The following SLC26A2 variants were observed in gnomAD, a reference collection of about 807,000 sequenced individuals.
SLC26A2 encodes the protein solute carrier family 26 member 2, also known as sulfate transporter.
In SLC26A2, 36 loss-of-function variants were observed where a neutral mutation model predicts 41.1. The ratio of observed to expected loss-of-function variants is 0.88; its 90% confidence interval spans 0.67 to 1.16. The LOEUF (loss-of-function observed/expected upper bound fraction) is 1.16, where lower values mean the gene tolerates loss of function less well. SLC26A2 is among the 50% of genes most tolerant of loss of function. SLC26A2 has a pLI of 0.00. For synonymous variants in SLC26A2, 291 were observed against 311.6 expected (o/e 0.93, Z 0.70); for missense variants, 796 against 869.6 (o/e 0.92, Z 1.07).
chr5:149,979,392 T>C (rs963710130), intron 2 of SLC26A2, among the ~76,000 whole-genome samples: 1 of 152,172 alleles, frequency 6.6e-6, no homozygotes, highest in Non-Finnish European at 1.5e-5. Flanking sequence ...TATATAATGG[T>C]AAATAATAAG....
chr5:149,964,548 C>T (rs891042349), intron 1 of SLC26A2, among the ~76,000 whole-genome samples: 5 of 151,912 alleles, frequency 3.3e-5, no homozygotes, highest in Admixed American at 1.3e-4. Context: ...GAGGCCGAGG[C>T]GGGCGGATCA....
At position 149,978,210 on chromosome 5, in the gene SLC26A2, C is replaced by T. The variant is rs1393733579; in HGVS notation, c.558C>T (p.Asp186=). Residue 186 remains aspartate (D), a synonymous_variant, in exon 2 of 3, where the codon GAC becomes GAT. Coordinates refer to ENST00000286298, the MANE Select transcript of SLC26A2 (RefSeq NM_000112.4). ...VDRELQKAGY[D]NAHSAPSLGM... is the part of the protein sequence containing the mutation. Reference sequence around the variant, plus strand: ...GAGAACTACAGAAAGCTGGCTATGACAATGCCCATAGTGCTCCTTCCTTAG... The same window carrying T: ...GAGAACTACAGAAAGCTGGCTATGATAATGCCCATAGTGCTCCTTCCTTAG... The T allele has an allele frequency of 1.9e-6, 3 of 1,613,970 alleles. No individual in the cohort carries two copies. The highest frequency in any genetic ancestry group is 1.3e-5 in the African/African-American group (1 of 74,904).
At chr5:149,963,250 C>T (rs1001582749) in intron 1 of SLC26A2, among the ~76,000 whole-genome samples, 3 of 151,808 alleles carry the variant, frequency 2.0e-5, no homozygotes, top group Admixed American at 2.0e-4. Flanking sequence ...GCTGGGATTA[C>T]AGGCACATGC....
At chr5:149,975,933 G>A (rs1754984985) in intron 1 of SLC26A2, among the ~76,000 whole-genome samples, 1 of 152,066 alleles carries the variant, frequency 6.6e-6, no homozygotes. Flanking sequence ...TGAGGCGGAT[G>A]GATCACCTGA....
chr5:149,968,088 A>G (rs1754837280), intron 1 of SLC26A2, among the ~76,000 whole-genome samples: 1 of 151,472 alleles, frequency 6.6e-6, no homozygotes, highest in African/African-American at 2.4e-5. Flanking sequence ...GTAGATGAAG[A>G]GTATCAGAAC....
chr5:149,981,543 G>A lies in SLC26A2; in HGVS notation c.1950G>A (p.Val650=). The change falls in exon 3 of 3, where the codon GTG becomes GTA. Residue 650 remains valine (V), a synonymous_variant. Coordinates refer to ENST00000286298, the MANE Select transcript of SLC26A2 (RefSeq NM_000112.4). ...ATCCCTTGGAGCTGCATACTATAGTGATTGACTGCAGTGCAATTCAATTTT... is the reference window on the plus strand; with the variant it reads ...ATCCCTTGGAGCTGCATACTATAGTAATTGACTGCAGTGCAATTCAATTTT... ...SHDPLELHTI[V]IDCSAIQFLD... 1 of 1,614,082 alleles carries A rather than the reference G, an allele frequency of 6.2e-7. No homozygotes were observed. The highest frequency in any genetic ancestry group is 2.2e-5 in the East Asian group (1 of 44,870).
At chr5:149,980,204 T>TA (rs1181771842) in intron 2 of SLC26A2, 89 bp from the exon 3 acceptor site, 5 of 969,042 alleles carry the variant, frequency 5.2e-6, no homozygotes, top group Non-Finnish European at 8.4e-6. Flanking sequence ...GCTCTGATGA[T>TA]ATGTCTCCAT....
At position 149,981,407 on chromosome 5, in the gene SLC26A2, A is replaced by G. The variant is rs1330735657; in HGVS notation, c.1814A>G (p.Asn605Ser). 1 of 1,614,104 alleles carries G rather than the reference A, an allele frequency of 6.2e-7. No individual in the cohort carries two copies. The highest frequency in any genetic ancestry group is 1.1e-5 in the South Asian group (1 of 91,072). Residue 605 changes from asparagine (N) to serine (S), a missense_variant, in exon 3 of 3, where the codon AAC (asparagine) becomes AGC (serine). Coordinates refer to ENST00000286298, the MANE Select transcript of SLC26A2 (RefSeq NM_000112.4). ...TCTGCTTTATACAAACAAACTGTCAACCCAATCTTAATAAAGGTGGCTTGG... is the reference window on the plus strand; with the variant it reads ...TCTGCTTTATACAAACAAACTGTCAGCCCAATCTTAATAAAGGTGGCTTGG... ...FKSALYKQTVNPILIKVAWKK... is the reference protein window; with the variant it reads ...FKSALYKQTVSPILIKVAWKK...
rs777906405 is a variant in SLC26A2 at position 149,980,297 on chromosome 5, C to T, written c.704C>T (p.Ala235Val). 2.8e-5 allele frequency: 45 copies of T among 1,613,146 alleles called. No individual in the cohort carries two copies. The highest frequency in any genetic ancestry group is 2.1e-4 in the African/African-American group (16 of 74,904). The change falls in exon 3 of 3, where the codon GCG becomes GTG. Residue 235 changes from alanine to valine, a missense_variant. Ala to Val is a moderately conservative substitution (Grantham distance 64). Coordinates refer to ENST00000286298, the MANE Select transcript of SLC26A2 (RefSeq NM_000112.4). ...CTTCTATATCCTTCCTTCCAGGTAG[C>T]GATGGGCTTCTTTCAAGTGGGTTTT... ...VTFIAGVYQV[A>V]MGFFQVGFVS...
In SLC26A2 at chr5:149,981,047, T is replaced by C. The variant is rs1233907029; in HGVS notation, c.1454T>C (p.Val485Ala). Residue 485 changes from valine to alanine, a missense_variant, in exon 3 of 3, where the codon GTG becomes GCG. Val to Ala is a moderately conservative substitution (Grantham distance 64). Transcript: ENST00000286298. ...TCCCTTCAAAAAAGTGTCCTTGGTG[T>C]GATCACAATTGTAAATCTACGGGGA... Reference protein sequence around the residue: ...FYSLQKSVLGVITIVNLRGAL... With the variant: ...FYSLQKSVLGAITIVNLRGAL... 6 of 1,614,062 alleles carry C rather than the reference T, an allele frequency of 3.7e-6. No homozygotes were observed. In the African/African-American group the frequency reaches 4.0e-5, roughly 11 times the overall value.
rs553344216 is a variant in SLC26A2, at chr5:149,984,510, A to C, written c.*2697A>C. ...CCCCGTCTCTACTAAAAATACAAAAAATTAGCGGGGCATGGTGGCACGCGC... is the reference window on the plus strand; with the variant it reads ...CCCCGTCTCTACTAAAAATACAAAACATTAGCGGGGCATGGTGGCACGCGC... On this transcript the variant is annotated 3_prime_UTR_variant, in exon 3 of 3. Transcript: ENST00000286298. 2 of 152,302 alleles carry C rather than the reference A, an allele frequency of 1.3e-5. No individual in the cohort carries two copies. Among genetic ancestry groups the C allele is most frequent in the African/African-American group, 4.8e-5 (2 of 41,546 alleles). The allele number at this position is 152,302 out of a possible 1,614,324, so 9.4% of individuals were successfully genotyped here. A position where few individuals can be genotyped will look rare whatever the true frequency, so the allele number is the denominator to read the frequency against.
In SLC26A2 at chr5:149,985,259, G is replaced by A. The variant is rs1755180024; in HGVS notation, c.*3446G>A. ...ACGGTGTCTTCCTTCTAAACTGAGT[G>A]ACTGTAGTACTATCTGTGCCTCTGA... On this transcript the variant is annotated 3_prime_UTR_variant, in exon 3 of 3. Transcript: ENST00000286298. The A allele has an allele frequency of 6.6e-6, 1 of 152,158 alleles. No homozygotes were observed. The highest frequency in any genetic ancestry group is 1.5e-5 in the Non-Finnish European group (1 of 68,034). 9.4% of individuals were successfully genotyped at this position (152,158 alleles called of 1,614,324 possible). A position where few individuals can be genotyped will look rare whatever the true frequency, so the allele number is the denominator to read the frequency against.
At chr5:149,961,587 A>G (rs930886252) in intron 1 of SLC26A2, among the ~76,000 whole-genome samples, 3 of 152,138 alleles carry the variant, frequency 2.0e-5, no homozygotes, top group Admixed American at 6.6e-5. Flanking sequence ...CAGCTCTCCA[A>G]ACTCATAGAC....
Position 149,960,997 on chromosome 5 carries a change from G to A in SLC26A2, c.-26+18G>A, listed in dbSNP as rs551157134. The stretch of plus-strand genomic sequence containing the variant: ...CCCGAGAGGTGAGAAGAGGGAAGCG[G>A]ACCAGGGAAGAGGGAGGGAGCGGTG... On this transcript the variant is annotated intron_variant, in intron 1 of 2. Transcript: ENST00000286298. 3 of 152,470 alleles carry A rather than the reference G, an allele frequency of 2.0e-5. No homozygotes were observed. The highest frequency in any genetic ancestry group is 2.9e-5 in the Non-Finnish European group (2 of 68,216). The allele number at this position is 152,470 out of a possible 1,614,324, so 9.4% of individuals were successfully genotyped here.
rs1472125529 is a variant in SLC26A2 at position 149,986,853 on chromosome 5, T to C, written c.*5040T>C. ...ATGCGTCATCCCTAAAATAATAAGA[T>C]ACATGGGATCAAATAGCCCTTGCCT... On this transcript the variant is annotated 3_prime_UTR_variant, in exon 3 of 3. Coordinates refer to ENST00000286298, the MANE Select transcript of SLC26A2 (RefSeq NM_000112.4). The C allele has an allele frequency of 1.3e-5, 2 of 152,382 alleles. No individual in the cohort carries two copies. The highest frequency in any genetic ancestry group is 3.9e-4 in the East Asian group (2 of 5,192). 9.4% of individuals were successfully genotyped at this position (152,382 alleles called of 1,614,324 possible). A position where few individuals can be genotyped will look rare whatever the true frequency, so the allele number is the denominator to read the frequency against.
chr5:149,977,164 C>T (rs1755005913), intron 1 of SLC26A2, among the ~76,000 whole-genome samples: 1 of 152,150 alleles, frequency 6.6e-6, no homozygotes, highest in South Asian at 2.1e-4. Flanking sequence ...AAAACAGGAC[C>T]ATCTTCCTTG....
chr5:149,967,915 C>T (rs1581226613), intron 1 of SLC26A2, among the ~76,000 whole-genome samples: 1 of 151,772 alleles, frequency 6.6e-6, no homozygotes, highest in African/African-American at 2.4e-5. Flanking sequence ...CTGCCTGGCC[C>T]ATTTTGCCTT....
intron 2 of SLC26A2, among the ~76,000 whole-genome samples, chr5:149,978,657 G>A (rs1399210361): frequency 6.6e-6 from 1 of 151,336 alleles, no homozygotes; most frequent in Non-Finnish European, 1.5e-5. Flanking sequence ...AGGCAAGTGG[G>A]TAACAGAATG....
intron 1 of SLC26A2, among the ~76,000 whole-genome samples, chr5:149,963,996 G>C (rs1357427959): frequency 6.6e-6 from 1 of 152,138 alleles, no homozygotes; most frequent in Non-Finnish European, 1.5e-5. Flanking sequence ...TCATGGACTG[G>C]TGATTGGAAC....
Sources: allele counts gnomAD v4.1 joint callset (sites outside exome capture counted in the v4.1 genomes callset), GRCh38; gene constraint gnomAD v4.1.1; transcripts MANE v1.5; gene names NCBI Gene and HGNC (gene_info 2026-07-23, HGNC 2026-07-21).